The following IL16 variants were observed in gnomAD, a reference collection of about 807,000 sequenced individuals.
The protein encoded by IL16 is pro-interleukin-16.
A neutral mutation model predicts 110.1 loss-of-function variants in IL16; 67 were observed. The ratio of observed to expected loss-of-function variants is 0.61; its 90% confidence interval spans 0.50 to 0.75. IL16 has a LOEUF of 0.75. Ranked by LOEUF, IL16 falls within the 30% of genes least tolerant of loss-of-function variation. The probability of loss-of-function intolerance (pLI) is 0.00; values close to 1 mark genes in which losing one functional copy is unlikely to be tolerated. For synonymous variants in IL16, 689 were observed against 662.9 expected, an observed-to-expected ratio of 1.04 and a Z score of -0.61; for missense variants, 1,545 against 1,655.0, an observed-to-expected ratio of 0.93 and a Z score of 1.15.
intron 1 of IL16, among the ~76,000 whole-genome samples, chr15:81,211,606 T>C (rs1241863142): frequency 2.0e-5 from 3 of 152,188 alleles, no homozygotes; most frequent in African/African-American, 4.8e-5. Context: ...TTGGCTGGCC[T>C]TTAACTCCTG....
In IL16 at chr15:81,249,753, T is replaced by A. The variant is rs1897701415; in HGVS notation, c.313-10019T>A. Among the ~76,000 whole-genome samples the A allele has an allele frequency of 2.0e-5, 3 of 152,194 alleles. No individual in the cohort carries two copies. The South Asian group carries it at 6.2e-4, about 31-fold the overall frequency. ...GACTGAAAGATTTTTAATAATTACG[T>A]GAAGTATAATTCTACCTTATTATTC... On this transcript the variant is annotated intron_variant, in intron 2 of 18. Coordinates refer to ENST00000683961, the MANE Select transcript of IL16 (RefSeq NM_172217.5).
At chr15:81,221,897 T>C (rs1423907968) in intron 1 of IL16, among the ~76,000 whole-genome samples, 2 of 152,146 alleles carry the variant, frequency 1.3e-5, no homozygotes, top group Non-Finnish European at 2.9e-5. Flanking sequence ...CTGCAAATGG[T>C]GCATTGGGAT....
chr15:81,273,767 G>T (rs1204141900), intron 6 of IL16, among the ~76,000 whole-genome samples: 1 of 151,996 alleles, frequency 6.6e-6, no homozygotes, highest in Non-Finnish European at 1.5e-5. Flanking sequence ...ATCTGCCACA[G>T]GGACCCTCTC....
At chr15:81,201,175 G>T (rs77097632) in intron 1 of IL16, among the ~76,000 whole-genome samples, 3 of 150,986 alleles carry the variant, frequency 2.0e-5, no homozygotes, top group African/African-American at 7.4e-5. Context: ...GTGTGTGTAT[G>T]TGTGGTGAAA....
chr15:81,279,967 A>T (rs903258855), intron 8 of IL16, among the ~76,000 whole-genome samples, 193 bp downstream of exon 8: 1 of 152,226 alleles, frequency 6.6e-6, no homozygotes, highest in Non-Finnish European at 1.5e-5. Context: ...AACCTAGTCA[A>T]TGTGTTCTGG....
At position 81,269,531 on chromosome 15, in the gene IL16, G is replaced by A. The variant is rs376683601; in HGVS notation, c.565-7G>A. 3.7e-6 allele frequency: 6 copies of A among 1,608,700 alleles called. No individual in the cohort carries two copies. The highest frequency in any genetic ancestry group is 1.7e-4 in the Middle Eastern group (1 of 6,056). On this transcript the variant is annotated splice_polypyrimidine_tract_variant and splice_region_variant and intron_variant, in intron 4 of 18. Transcript: ENST00000683961. ...AATCTTCTGCCTACTCTGGTTCCTT[G>A]TTGCAGGGAACTTCGAGACCAACAC...
chr15:81,223,207 G>C (rs1043638861), intron 1 of IL16, among the ~76,000 whole-genome samples: 1 of 152,282 alleles, frequency 6.6e-6, no homozygotes, highest in East Asian at 1.9e-4. Context: ...TTCAGTGGCT[G>C]TAGGGAAAGG....
At chr15:81,257,498 A>C (rs1897989469) in intron 2 of IL16, among the ~76,000 whole-genome samples, 1 of 152,220 alleles carries the variant, frequency 6.6e-6, no homozygotes, top group Non-Finnish European at 1.5e-5. Context: ...GACAAAGTGC[A>C]GGTGAGATTG....
At chr15:81,278,793 G>A in intron 6 of IL16, 24 bp from the exon 7 acceptor site, 1 of 1,531,754 alleles carries the variant, frequency 6.5e-7, no homozygotes, top group Non-Finnish European at 9.0e-7. Flanking sequence ...ACTCTTCTTA[G>A]CTACACTTTC....
intron 1 of IL16, among the ~76,000 whole-genome samples, chr15:81,201,387 A>G (rs545128551): frequency 1.3e-5 from 2 of 152,208 alleles, no homozygotes; most frequent in South Asian, 2.1e-4. Context: ...ATAATGCTCT[A>G]TAGCTGTTAT....
chr15:81,229,805 A>G (rs1456329286), intron 2 of IL16, among the ~76,000 whole-genome samples: 1 of 152,088 alleles, frequency 6.6e-6, no homozygotes, highest in Admixed American at 6.6e-5. Context: ...CCCTGCACCC[A>G]GGCGTGACTC....
chr15:81,300,257 G>A lies in IL16; in HGVS notation c.2931G>A (p.Thr977=), dbSNP rs748676255. The change falls in exon 14 of 19, where the codon ACG becomes ACA. Residue 977 remains threonine, a synonymous_variant. Transcript: ENST00000683961. ...FPLTRSQSCE[T]KLLDEKTSKL... is the part of the protein sequence containing the mutation. ...TGACCAGGTCCCAGTCCTGTGAGACGAAGCTACTTGACGAAAAGACCAGCA... is the reference window on the plus strand; with the variant it reads ...TGACCAGGTCCCAGTCCTGTGAGACAAAGCTACTTGACGAAAAGACCAGCA... 18 of 1,614,114 alleles carry A rather than the reference G, an allele frequency of 1.1e-5. No individual in the cohort carries two copies. The Admixed American group carries it at 2.2e-4, about 19-fold the overall frequency.
At position 81,301,459 on chromosome 15, in the gene IL16, G is replaced by T. The variant is rs1900282476; in HGVS notation, c.3265G>T (p.Glu1089Ter). The T allele has an allele frequency of 6.2e-7, 1 of 1,613,982 alleles. No individual in the cohort carries two copies. The highest frequency in any genetic ancestry group is 8.5e-7 in the Non-Finnish European group (1 of 1,179,968). The change falls in exon 15 of 19, where the codon GAA becomes TAA. Residue 1089 changes from glutamate (E) to a stop codon, truncating the protein, a stop_gained. Coordinates refer to ENST00000683961, the MANE Select transcript of IL16 (RefSeq NM_172217.5). LOFTEE classifies it high-confidence loss of function. Reference protein sequence around the residue: ...QSVISLLSSEELKKLIEEVKV... With the variant: ...QSVISLLSSE ...CGTTATCTCCCTGCTGAGCTCAGAA[G>T]AATTAAAAAAACTCATCGAGGAGGT...
chr15:81,191,389 G>C (rs8028364), intron 1 of IL16, among the ~76,000 whole-genome samples: 62,073 of 152,106 alleles, frequency 0.41, 16,285 homozygotes, highest in African/African-American at 0.71. Flanking sequence ...TTTGTAAACT[G>C]AAAACTACAA....
chr15:81,242,607 C>G (rs977153011), intron 2 of IL16, among the ~76,000 whole-genome samples: 10 of 152,192 alleles, frequency 6.6e-5, no homozygotes, highest in African/African-American at 2.4e-4. Context: ...TACTGAAACT[C>G]ATTAGTTCTA....
chr15:81,265,368 A>G (rs1898328719), intron 3 of IL16, among the ~76,000 whole-genome samples: 1 of 152,192 alleles, frequency 6.6e-6, no homozygotes, highest in Non-Finnish European at 1.5e-5. Flanking sequence ...AGCTCAGCAC[A>G]CTGATTGACT....
rs201882506 is a variant in IL16, at chr15:81,303,194, T to G, written c.3319-355T>G. ...TGTTTTGTTTTTTGTTGTTTTTTTT[T>G]TTTGTTTTGTTTTACCTGAAGTCCT... On this transcript the variant is annotated intron_variant, in intron 15 of 18. Coordinates refer to ENST00000683961, the MANE Select transcript of IL16 (RefSeq NM_172217.5). This position sits in a 1 kb window ranked among gnomAD's most constrained non-coding sequence, Gnocchi z 4.1. 9.8e-5 allele frequency: 17 copies of G among 173,234 alleles called. No individual in the cohort carries two copies. Among genetic ancestry groups the G allele is most frequent in the Middle Eastern group, 2.5e-3 (1 of 398 alleles). The allele number at this position is 173,234 out of a possible 1,614,324, so 10.7% of individuals were successfully genotyped here. A position where few individuals can be genotyped will look rare whatever the true frequency, so the allele number is the denominator to read the frequency against.
intron 2 of IL16, among the ~76,000 whole-genome samples, chr15:81,237,427 CAT>C (rs1302032086): frequency 1.3e-5 from 2 of 152,150 alleles, no homozygotes; most frequent in African/African-American, 2.4e-5. Context: ...ACATCACACA[CAT>C]GTATCATAGT....
intron 10 of IL16, among the ~76,000 whole-genome samples, chr15:81,287,498 T>C (rs913518576): frequency 5.3e-5 from 8 of 152,220 alleles, no homozygotes; most frequent in Non-Finnish European, 1.0e-4. Flanking sequence ...TTATTTAATC[T>C]TAATATGCAC....
Sources: gnomAD v4.1 joint callset for allele counts (sites outside exome capture counted in the v4.1 genomes callset) on GRCh38, gnomAD v4.1.1 for gene constraint, Gnocchi (gnomAD v3.1) non-coding constraint, MANE v1.5 for transcripts, NCBI Gene and HGNC (gene_info 2026-07-23, HGNC 2026-07-21) for gene names.